TMEM51: variants seen among roughly 807,000 people sequenced by gnomAD.
TMEM51 encodes the protein transmembrane protein 51.
A neutral mutation model predicts 13.6 loss-of-function variants in TMEM51; 8 were observed. That is an observed-to-expected ratio of 0.59 (90% CI 0.35 to 1.07). TMEM51 has a LOEUF of 1.07. Ranked by LOEUF, TMEM51 falls within the 50% of genes least tolerant of loss-of-function variation. The probability of loss-of-function intolerance (pLI) is 0.02; values close to 1 mark genes in which losing one functional copy is unlikely to be tolerated. For synonymous variants in TMEM51, 147 were observed against 144.4 expected (o/e 1.02, Z -0.13); for missense variants, 279 against 330.7 (o/e 0.84, Z 1.21).
At chr1:15,157,727 C>T (rs150380137) in intron 1 of TMEM51, among the ~76,000 whole-genome samples, 146 of 152,208 alleles carry the variant, frequency 9.6e-4, no homozygotes, top group African/African-American at 3.4e-3. Flanking sequence ...GCATTAACAC[C>T]ACGGCATGAG....
At chr1:15,160,738 T>G (rs1227389618) in intron 1 of TMEM51, among the ~76,000 whole-genome samples, 1 of 151,458 alleles carries the variant, frequency 6.6e-6, no homozygotes, top group Admixed American at 6.6e-5. Context: ...CAGATGCAAA[T>G]TCTCTTCTTT....
At chr1:15,200,110 G>T (rs575753518) in intron 1 of TMEM51, among the ~76,000 whole-genome samples, 1 of 152,136 alleles carries the variant, frequency 6.6e-6, no homozygotes, top group South Asian at 2.1e-4. Flanking sequence ...TGGAGATAAG[G>T]CCTTTACATA....
chr1:15,167,730 G>A (rs895576114), intron 1 of TMEM51, among the ~76,000 whole-genome samples: 12 of 152,072 alleles, frequency 7.9e-5, no homozygotes, highest in African/African-American at 2.7e-4. Context: ...TTGAAGACCC[G>A]GTGAAACCAT....
At chr1:15,180,129 C>T (rs1467233992) in intron 1 of TMEM51, among the ~76,000 whole-genome samples, 1 of 152,178 alleles carries the variant, frequency 6.6e-6, no homozygotes, top group African/African-American at 2.4e-5. Context: ...GTGTTGATGC[C>T]CAGCCTGCGG....
At chr1:15,152,939 C>A (rs1642445249), upstream of TMEM51, among the ~76,000 whole-genome samples, 1 of 152,188 alleles carries the variant, frequency 6.6e-6, no homozygotes, top group Non-Finnish European at 1.5e-5. Flanking sequence ...GGAAAGTTCT[C>A]GGCAAAGCTG....
intron 1 of TMEM51, among the ~76,000 whole-genome samples, chr1:15,193,646 C>T (rs943602322): frequency 2.0e-5 from 3 of 146,608 alleles, no homozygotes; most frequent in African/African-American, 5.2e-5. Flanking sequence ...GGCACGGTCT[C>T]GGCTCACTGC....
intron 1 of TMEM51, among the ~76,000 whole-genome samples, chr1:15,197,541 G>GCTGAGGCTCTCTCCAAAAGCCCCGTA (rs1239393248): frequency 2.6e-5 from 4 of 152,008 alleles, no homozygotes; most frequent in Admixed American, 1.3e-4. Context: ...CCTGCTTCTG[G>GCTGAGGCTCTCTCCAAAAGCCCCGTA]CTGAGGCTCT....
In TMEM51 at chr1:15,219,701, T is replaced by G. The variant is rs1296922277; in HGVS notation, c.720T>G (p.Asp240Glu). The stretch of plus-strand genomic sequence containing the variant: ...CTTTGACTCCTCCACCGCAGTATGA[T>G]GAAGTCCAGGAGAAGGCCCCCGACA... ...IEPLTPPPQY[D>E]EVQEKAPDTR... Residue 240 changes from aspartate (D) to glutamate (E), a missense_variant, in exon 4 of 4, where the codon GAT (aspartate) becomes GAG (glutamate). Transcript: ENST00000376008. The G allele has an allele frequency of 1.2e-6, 2 of 1,613,700 alleles. No individual in the cohort carries two copies. Among genetic ancestry groups the G allele is most frequent in the African/African-American group, 2.7e-5 (2 of 74,928 alleles).
chr1:15,161,349 A>G lies in TMEM51; in HGVS notation c.-267+7395A>G, dbSNP rs1277441770. ...TGGTGAAACCCCATCTCTACTAAAA[A>G]TAGAAAAATTACCCGGTATGGTGGC... On this transcript the variant is annotated intron_variant, in intron 1 of 3. Coordinates refer to ENST00000376008, the MANE Select transcript of TMEM51 (RefSeq NM_001136218.2). The surrounding 1 kb of genome is among the most constrained non-coding windows in gnomAD (Gnocchi z 4.0). 2.0e-5 allele frequency among the ~76,000 whole-genome samples: 3 copies of G among 151,732 alleles called. No individual in the cohort carries two copies. Among genetic ancestry groups the G allele is most frequent in the East Asian group, 3.9e-4 (2 of 5,170 alleles).
At chr1:15,165,631 C>T (rs1026169174) in intron 1 of TMEM51, among the ~76,000 whole-genome samples, 3 of 152,078 alleles carry the variant, frequency 2.0e-5, no homozygotes, top group East Asian at 1.9e-4. Context: ...GATTTTATCC[C>T]GAGGTAACAA....
chr1:15,171,574 G>C (rs1342786391), intron 1 of TMEM51, among the ~76,000 whole-genome samples: 1 of 152,104 alleles, frequency 6.6e-6, no homozygotes, highest in East Asian at 1.9e-4. Flanking sequence ...TGGAGGACAG[G>C]CTCGAATGTG....
intron 1 of TMEM51, among the ~76,000 whole-genome samples, chr1:15,202,796 GA>G (rs1644181664): frequency 6.6e-6 from 1 of 152,216 alleles, no homozygotes; most frequent in South Asian, 2.1e-4. Context: ...TTAGGACCCG[GA>G]TATCTTTGAA....
rs570024160 is a variant in TMEM51 at position 15,205,440 on chromosome 1, C to T, written c.-266-5050C>T. On this transcript the variant is annotated intron_variant, in intron 1 of 3. Transcript: ENST00000376008. ...CTGGAATATCCTGATCTCTTACCCC[C>T]AAATTCCACCCACAGGAAGGCCACA... Among the ~76,000 whole-genome samples the T allele has an allele frequency of 5.9e-5, 9 of 152,336 alleles. No homozygotes were observed. The South Asian group carries it at 1.4e-3, about 25-fold the overall frequency.
At chr1:15,204,282 G>T (rs1644210455) in intron 1 of TMEM51, among the ~76,000 whole-genome samples, 1 of 152,252 alleles carries the variant, frequency 6.6e-6, no homozygotes. Flanking sequence ...GGCTGGGTGA[G>T]GTGGCTCACG....
At position 15,215,267 on chromosome 1, in the gene TMEM51, C is replaced by G. The variant is rs1332267748; in HGVS notation, c.180C>G (p.Ser60Arg). Residue 60 changes from serine to arginine, a missense_variant, in exon 3 of 4, where the codon AGC becomes AGG. Coordinates refer to ENST00000376008, the MANE Select transcript of TMEM51 (RefSeq NM_001136218.2). ...AGGTGGGTGGCGGCATCCTCAAGAG[C>G]AAGACCTTCTCTGTGGCCTACGTGC... ...KTEVGGGILK[S>R]KTFSVAYVLV... is the part of the protein sequence containing the mutation. The G allele has an allele frequency of 6.2e-7, 1 of 1,614,238 alleles. No individual in the cohort carries two copies. Among genetic ancestry groups the G allele is most frequent in the Non-Finnish European group, 8.5e-7 (1 of 1,180,040 alleles).
chr1:15,193,394 C>T (rs928439112), intron 1 of TMEM51, among the ~76,000 whole-genome samples: 30 of 152,106 alleles, frequency 2.0e-4, no homozygotes, highest in African/African-American at 6.3e-4. Flanking sequence ...TGGCACCTAA[C>T]GTGGAGTTAT....
At position 15,207,073 on chromosome 1, in the gene TMEM51, C is replaced by T. The variant is rs1344999815; in HGVS notation, c.-266-3417C>T. The stretch of plus-strand genomic sequence containing the variant: ...GGCTGAAACTTGGCAGAGAGAGCCC[C>T]ACTGAATTCCTCCTTTGTGATGTGA... On this transcript the variant is annotated intron_variant, in intron 1 of 3. Coordinates refer to ENST00000376008, the MANE Select transcript of TMEM51 (RefSeq NM_001136218.2). The surrounding 1 kb of genome is among the most constrained non-coding windows in gnomAD (Gnocchi z 4.6). Among the ~76,000 whole-genome samples, 1 of 152,238 alleles carries T rather than the reference C, an allele frequency of 6.6e-6. No individual in the cohort carries two copies. The highest frequency in any genetic ancestry group is 1.5e-5 in the Non-Finnish European group (1 of 68,040).
chr1:15,173,205 G>A (rs1305727957), intron 1 of TMEM51, among the ~76,000 whole-genome samples: 1 of 137,564 alleles, frequency 7.3e-6, no homozygotes, highest in East Asian at 2.2e-4. Flanking sequence ...GGTTTAACCT[G>A]ATCATATTCT....
intron 3 of TMEM51, 130 bp from the exon 4 acceptor site, chr1:15,219,196 T>A: frequency 1.1e-6 from 1 of 926,958 alleles, no homozygotes; most frequent in Non-Finnish European, 1.6e-6. Flanking sequence ...GTATTCACTT[T>A]TATTGCCTCT....
Sources: gnomAD v4.1 joint callset for allele counts (sites outside exome capture counted in the v4.1 genomes callset) on GRCh38, gnomAD v4.1.1 for gene constraint, Gnocchi (gnomAD v3.1) non-coding constraint, MANE v1.5 for transcripts, NCBI Gene and HGNC (gene_info 2026-07-23, HGNC 2026-07-21) for gene names.